Variants in SLC6A15 observed in about 807,000 individuals in gnomAD.
SLC6A15 encodes solute carrier family 6 member 15.
SLC6A15 carries 33 observed loss-of-function variants against 68.5 expected under a neutral mutation model. The ratio of observed to expected loss-of-function variants is 0.48; its 90% confidence interval spans 0.37 to 0.64. The LOEUF is 0.64. SLC6A15 is among the 30% of genes least tolerant of loss of function. The probability of loss-of-function intolerance (pLI) is 0.00; values close to 1 mark genes in which losing one functional copy is unlikely to be tolerated. For missense variants in SLC6A15, 747 were observed against 874.3 expected, an observed-to-expected ratio of 0.85 and a Z score of 1.84; for synonymous variants, 347 against 301.0, an observed-to-expected ratio of 1.15 and a Z score of -1.58.
chr12:84,899,222 A>C (rs543109342), intron 1 of SLC6A15, among the ~76,000 whole-genome samples: 1 of 152,358 alleles, frequency 6.6e-6, no homozygotes, highest in South Asian at 2.1e-4. Context: ...GACCAAAGAA[A>C]GTCTCAAACC....
chr12:84,875,718 C>T (rs71437102), intron 6 of SLC6A15, among the ~76,000 whole-genome samples: 96,743 of 96,752 alleles, frequency 1, 48,367 homozygotes, highest in Middle Eastern at 1. Flanking sequence ...AAAACGTGGT[C>T]CCTGTTAAAG....
intron 1 of SLC6A15, among the ~76,000 whole-genome samples, chr12:84,895,314 CT>C (rs946121805): frequency 2.9e-5 from 4 of 137,902 alleles, no homozygotes; most frequent in African/African-American, 1.1e-4. Flanking sequence ...GTATTTTGCA[CT>C]TAGATGTTTT....
At chr12:84,866,669 G>T (rs1048984917) in intron 10 of SLC6A15, among the ~76,000 whole-genome samples, 2 of 152,220 alleles carry the variant, frequency 1.3e-5, no homozygotes, top group East Asian at 3.9e-4. Context: ...GTCACAGGGT[G>T]TCTCTCTAAG....
intron 2 of SLC6A15, among the ~76,000 whole-genome samples, chr12:84,887,697 T>C (rs534358625): frequency 2.5e-4 from 38 of 151,860 alleles, no homozygotes; most frequent in Non-Finnish European, 4.9e-4. Flanking sequence ...TTTATACGCA[T>C]GTGAATGAGT....
At chr12:84,863,679 T>C in intron 10 of SLC6A15, 78 bp from the exon 11 acceptor site, 1 of 1,049,674 alleles carries the variant, frequency 9.5e-7, no homozygotes, top group Non-Finnish European at 1.3e-6. Flanking sequence ...ATATTAATGG[T>C]CTGACAAACA....
rs78594271 is a variant in SLC6A15 at position 84,870,749 on chromosome 12, G to A, written c.1303-79C>T. 5.7e-3 allele frequency: 4,776 copies of A among 834,332 alleles called. 150 individuals are homozygous for A. In the African/African-American group the frequency reaches 0.067, roughly 12 times the overall value. The allele number at this position is 834,332 out of a possible 1,614,324, so 51.7% of individuals were successfully genotyped here. A position where few individuals can be genotyped will look rare whatever the true frequency, so the allele number is the denominator to read the frequency against. On this transcript the variant is annotated intron_variant, in intron 8 of 11. Coordinates refer to ENST00000266682, the MANE Select transcript of SLC6A15 (RefSeq NM_182767.6). ...CTCTATATGTCAGTTACAATGAGGAGGAAAGATCTCTGAATAATGGCCAGG... is the reference window on the plus strand; with the variant it reads ...CTCTATATGTCAGTTACAATGAGGAAGAAAGATCTCTGAATAATGGCCAGG...
rs748407142 is a variant in SLC6A15, at chr12:84,863,466, A to T, written c.1791T>A (p.Pro597=). ...ASVVNMGLSP[P]GYNAWIEDKA... ...TATCTTCAATCCATGCGTTATAGCCAGGAGGACTTAATCCCATATTCACAA... is the reference window on the plus strand; with the variant it reads ...TATCTTCAATCCATGCGTTATAGCCTGGAGGACTTAATCCCATATTCACAA... The change falls in exon 11 of 12, where the codon CCT becomes CCA. Residue 597 remains proline (P), a synonymous_variant. Coordinates refer to ENST00000266682, the MANE Select transcript of SLC6A15 (RefSeq NM_182767.6). The T allele has an allele frequency of 8.8e-6, 14 of 1,584,508 alleles. No individual in the cohort carries two copies. The Admixed American group carries it at 1.3e-4, about 15-fold the overall frequency.
chr12:84,912,267 C>G (rs1266305598), intron 1 of SLC6A15, among the ~76,000 whole-genome samples: 1 of 152,136 alleles, frequency 6.6e-6, no homozygotes, highest in African/African-American at 2.4e-5. Flanking sequence ...CATGTGCTTC[C>G]CCTTACATGT....
In SLC6A15 at chr12:84,910,213, A is replaced by G. The variant is rs139030454; in HGVS notation, c.-189+2310T>C. 2.8e-3 allele frequency among the ~76,000 whole-genome samples: 421 copies of G among 152,282 alleles called. 8 individuals are homozygous for G. The South Asian group carries it at 0.044, about 16-fold the overall frequency. On this transcript the variant is annotated intron_variant, in intron 1 of 11. Transcript: ENST00000266682. ...ATAAAATAATTTTTCAATCAACTAT[A>G]TAATGTGCAATCAGAAAAAAGAAAA...
At chr12:84,864,166 A>C (rs1870970203) in intron 10 of SLC6A15, among the ~76,000 whole-genome samples, 1 of 151,344 alleles carries the variant, frequency 6.6e-6, no homozygotes, top group Admixed American at 6.6e-5. Context: ...CACAGCATTA[A>C]AAGCATAATA....
rs781420836 is a variant in SLC6A15, at chr12:84,891,992, G to C, written c.129C>G (p.Gly43=). The change falls in exon 2 of 12, where the codon GGC becomes GGG. Residue 43 remains glycine, a synonymous_variant. Transcript: ENST00000266682. ...AFKTSELIVD[G]QEEKDTDVEE... Reference sequence around the variant, plus strand: ...CAACATCTGTATCTTTCTCTTCCTGGCCATCAACAATTAGTTCACTTGTCT... The same window carrying C: ...CAACATCTGTATCTTTCTCTTCCTGCCCATCAACAATTAGTTCACTTGTCT... 2.5e-5 allele frequency: 40 copies of C among 1,613,670 alleles called. No homozygotes were observed. In the Admixed American group the frequency reaches 3.8e-4, roughly 15 times the overall value.
At position 84,892,203 on chromosome 12, in the gene SLC6A15, TA is replaced by T; in HGVS notation, c.-84del. ...TTAACTCTATTTTTCAAAACAATGT[TA>T]CTTGATAGGAAGTAAAGACCGAGGA... On this transcript the variant is annotated 5_prime_UTR_variant, in exon 2 of 12. Coordinates refer to ENST00000266682, the MANE Select transcript of SLC6A15 (RefSeq NM_182767.6). 7.8e-7 allele frequency: 1 copy of T among 1,286,948 alleles called. No homozygotes were observed. Among genetic ancestry groups the T allele is most frequent in the Non-Finnish European group, 1.1e-6 (1 of 937,562 alleles). 79.7% of individuals were successfully genotyped at this position (1,286,948 alleles called of 1,614,324 possible).
intron 10 of SLC6A15, among the ~76,000 whole-genome samples, chr12:84,864,384 A>T (rs1870983200): frequency 6.7e-6 from 1 of 149,926 alleles, no homozygotes; most frequent in African/African-American, 2.5e-5. Flanking sequence ...CAGTGGCACA[A>T]TCTCGACTCA....
At chr12:84,907,637 G>T (rs1405073515) in intron 1 of SLC6A15, among the ~76,000 whole-genome samples, 1 of 152,110 alleles carries the variant, frequency 6.6e-6, no homozygotes, top group Non-Finnish European at 1.5e-5. Context: ...CTCTGGAAAA[G>T]TTCGACTGTT....
intron 1 of SLC6A15, among the ~76,000 whole-genome samples, chr12:84,903,210 A>G (rs992997494): frequency 6.6e-6 from 1 of 152,140 alleles, no homozygotes; most frequent in Non-Finnish European, 1.5e-5. Flanking sequence ...ACAATCTTTC[A>G]AAATTCTTTT....
chr12:84,873,831 ATTC>A (rs1191590429), intron 6 of SLC6A15, among the ~76,000 whole-genome samples: 2 of 152,206 alleles, frequency 1.3e-5, no homozygotes, highest in African/African-American at 2.4e-5. Context: ...TCACATATGT[ATTC>A]TTCATTCATT....
At chr12:84,870,740 C>A in intron 8 of SLC6A15, 70 bp from the exon 9 acceptor site, 2 of 925,446 alleles carry the variant, frequency 2.2e-6, no homozygotes, top group East Asian at 2.8e-5. Context: ...ATGTCAGTTA[C>A]AATGAGGAGG....
chr12:84,863,394 T>C (rs990074747), intron 11 of SLC6A15, 45 bp downstream of exon 11: 5 of 1,470,590 alleles, frequency 3.4e-6, no homozygotes, highest in Non-Finnish European at 4.5e-6. Context: ...TAAAAAAGCT[T>C]TTTATATATC....
At chr12:84,887,585 A>C (rs1872174179) in intron 2 of SLC6A15, among the ~76,000 whole-genome samples, 1 of 152,192 alleles carries the variant, frequency 6.6e-6, no homozygotes, top group South Asian at 2.1e-4. Context: ...TCTAATTCTA[A>C]AATGATTAGT....
Sources: gnomAD v4.1 joint callset for allele counts (sites outside exome capture counted in the v4.1 genomes callset) on GRCh38, gnomAD v4.1.1 for gene constraint, MANE v1.5 for transcripts, NCBI Gene and HGNC (gene_info 2026-07-23, HGNC 2026-07-21) for gene names.